Variants in DOCK2 observed in about 807,000 individuals in gnomAD.
DOCK2 encodes dedicator of cytokinesis protein 2.
A neutral mutation model predicts 248.9 loss-of-function variants in DOCK2; 87 were observed. The ratio of observed to expected loss-of-function variants is 0.35; its 90% confidence interval spans 0.29 to 0.42. The LOEUF is 0.42. Among genes scored for constraint, DOCK2 ranks in the 10% least tolerant of loss-of-function variants. The pLI, the probability that DOCK2 is intolerant of heterozygous loss-of-function variation, is 1.00. For missense variants in DOCK2, 1,747 were observed against 2,300.2 expected, an observed-to-expected ratio of 0.76 and a Z score of 4.92; for synonymous variants, 805 against 821.6, an observed-to-expected ratio of 0.98 and a Z score of 0.35.
At chr5:169,753,154 T>C (rs1409230214) in intron 23 of DOCK2, among the ~76,000 whole-genome samples, 2 of 152,246 alleles carry the variant, frequency 1.3e-5, no homozygotes, top group Non-Finnish European at 2.9e-5. Flanking sequence ...TTTACATATA[T>C]TGTTAGCTCA....
chr5:169,867,717 TATATAATC>T (rs1202651593), intron 27 of DOCK2, among the ~76,000 whole-genome samples: 1 of 152,104 alleles, frequency 6.6e-6, no homozygotes, highest in Non-Finnish European at 1.5e-5. Flanking sequence ...CATACACACA[TATATAATC>T]ATAACATCAC....
At position 170,077,858 on chromosome 5, in the gene DOCK2, G is replaced by GA. The variant is rs1260612186; in HGVS notation, c.4994+22dup. ...GAGAGGTCAGTCCCTGCACCCCAAG[G>GA]AGCCCCCCACACCCCTGCCTCCCTG... On this transcript the variant is annotated intron_variant, in intron 48 of 51. Transcript: ENST00000520908. The GA allele has an allele frequency of 5.0e-6, 8 of 1,609,140 alleles. No individual in the cohort carries two copies. In the African/African-American group the frequency reaches 9.4e-5, roughly 19 times the overall value.
At chr5:169,655,920 G>A (rs1398844652) in intron 2 of DOCK2, among the ~76,000 whole-genome samples, 2 of 152,182 alleles carry the variant, frequency 1.3e-5, no homozygotes, top group East Asian at 1.9e-4. Context: ...ACTTGGGGTT[G>A]TAGATGAGGG....
At position 169,836,144 on chromosome 5, in the gene DOCK2, AAGT is replaced by A. The variant is rs545657653; in HGVS notation, c.2704-4610_2704-4608del. ...AAATAAAATTTCATATCAAAACTGT[AAGT>A]AGCATCATTTGTGTAAAAGTAGATT... On this transcript the variant is annotated intron_variant, in intron 26 of 51. Transcript: ENST00000520908. 4.3e-4 allele frequency among the ~76,000 whole-genome samples: 66 copies of A among 152,366 alleles called. No individual in the cohort carries two copies. The South Asian group carries it at 6.4e-3, about 15-fold the overall frequency.
intron 30 of DOCK2, among the ~76,000 whole-genome samples, chr5:170,005,491 T>G (rs1012654466): frequency 6.6e-6 from 1 of 152,114 alleles, no homozygotes; most frequent in Non-Finnish European, 1.5e-5. Flanking sequence ...ACCACTGCAT[T>G]TACTGAGTGC....
At chr5:170,078,693 A>G (rs1757924856) in intron 48 of DOCK2, among the ~76,000 whole-genome samples, 1 of 152,186 alleles carries the variant, frequency 6.6e-6, no homozygotes, top group South Asian at 2.1e-4. Flanking sequence ...CATGCTTTCA[A>G]CCAGTCTTCT....
At chr5:170,004,308 C>A (rs1754941998) in intron 30 of DOCK2, among the ~76,000 whole-genome samples, 1 of 152,194 alleles carries the variant, frequency 6.6e-6, no homozygotes, top group South Asian at 2.1e-4. Context: ...AAGAGTGTTC[C>A]TATTTCTCCA....
intron 4 of DOCK2, 108 bp downstream of exon 4, chr5:169,670,705 C>T (rs1336230691): frequency 8.4e-6 from 11 of 1,309,532 alleles, no homozygotes; most frequent in Non-Finnish European, 1.2e-5. Context: ...CTCAGCTTAT[C>T]TTCTTTGTGC....
intron 30 of DOCK2, chr5:170,000,358 G>C (rs924744941): frequency 6.6e-5 from 10 of 152,248 alleles, no homozygotes; most frequent in African/African-American, 2.4e-4. Flanking sequence ...CATTTCCCTG[G>C]TGAATAAACT....
At position 169,764,360 on chromosome 5, in the gene DOCK2, T is replaced by TG. The variant is rs1764648623; in HGVS notation, c.2554+2737dup. 6.6e-6 allele frequency among the ~76,000 whole-genome samples: 1 copy of TG among 152,168 alleles called. No individual in the cohort carries two copies. On this transcript the variant is annotated intron_variant, in intron 25 of 51. Coordinates refer to ENST00000520908, the MANE Select transcript of DOCK2 (RefSeq NM_004946.3). The surrounding 1 kb of genome is among the most constrained non-coding windows in gnomAD (Gnocchi z 4.3). Reference sequence around the variant, plus strand: ...TTGGCCTGTCATCAGAAGGATCCTATGGAGAAGGTGGAGAAGGGTTTACTG... The same window carrying TG: ...TTGGCCTGTCATCAGAAGGATCCTATGGGAGAAGGTGGAGAAGGGTTTACTG...
chr5:169,697,314 C>G (rs1760693147), intron 10 of DOCK2, among the ~76,000 whole-genome samples: 1 of 152,176 alleles, frequency 6.6e-6, no homozygotes, highest in African/African-American at 2.4e-5. Flanking sequence ...TGCTGGCTTA[C>G]TAAGAAGATG....
chr5:169,663,574 CA>C (rs1581410037), intron 2 of DOCK2, among the ~76,000 whole-genome samples: 2 of 152,238 alleles, frequency 1.3e-5, no homozygotes, highest in Admixed American at 1.3e-4. Flanking sequence ...CAGAGATTCC[CA>C]AAGCTCAACT....
chr5:169,883,487 G>A, intron 27 of DOCK2: 1 of 1,551,628 alleles, frequency 6.4e-7, no homozygotes, highest in African/African-American at 1.4e-5. Flanking sequence ...TGTTCAGAGA[G>A]GTTACCGTTG....
chr5:169,929,693 G>A (rs945305806), intron 27 of DOCK2, among the ~76,000 whole-genome samples: 14 of 146,106 alleles, frequency 9.6e-5, no homozygotes, highest in Non-Finnish European at 1.8e-4. Context: ...AGTGAGCCAA[G>A]AGGGGATCAC....
intron 27 of DOCK2, among the ~76,000 whole-genome samples, chr5:169,842,010 C>T (rs1164004507): frequency 2.0e-5 from 3 of 152,162 alleles, no homozygotes; most frequent in Non-Finnish European, 4.4e-5. Context: ...GGCTACTCAG[C>T]CTTGACTGAT....
At chr5:169,982,568 C>A (rs1777971651) in intron 27 of DOCK2, among the ~76,000 whole-genome samples, 1 of 152,200 alleles carries the variant, frequency 6.6e-6, no homozygotes, top group South Asian at 2.1e-4. Flanking sequence ...CTTCTCATTT[C>A]TTTCATCCCT....
At chr5:170,051,068 G>A (rs1037727656) in intron 41 of DOCK2, among the ~76,000 whole-genome samples, 13 of 152,208 alleles carry the variant, frequency 8.5e-5, no homozygotes, top group African/African-American at 3.1e-4. Context: ...GGTTGGGAAA[G>A]GAGAGAAGGT....
At chr5:169,974,837 T>TC (rs1249238135) in intron 27 of DOCK2, among the ~76,000 whole-genome samples, 1 of 150,038 alleles carries the variant, frequency 6.7e-6, no homozygotes, top group Non-Finnish European at 1.5e-5. Context: ...GTGACCCCCC[T>TC]CCCCCCGACA....
At chr5:169,795,342 G>T (rs1766579164) in intron 25 of DOCK2, among the ~76,000 whole-genome samples, 1 of 152,126 alleles carries the variant, frequency 6.6e-6, no homozygotes, top group Admixed American at 6.6e-5. Flanking sequence ...TTTCTAAATA[G>T]GCCGGGTTTG....
Sources: allele counts gnomAD v4.1 joint callset (sites outside exome capture counted in the v4.1 genomes callset), GRCh38; gene constraint gnomAD v4.1.1; non-coding constraint Gnocchi (gnomAD v3.1); transcripts MANE v1.5; gene names NCBI Gene and HGNC (gene_info 2026-07-23, HGNC 2026-07-21).